CTPS1: variants seen among roughly 807,000 people sequenced by gnomAD.
CTPS1 encodes CTP synthetase 1.
A neutral mutation model predicts 80.5 loss-of-function variants in CTPS1; 25 were observed. That is an observed-to-expected ratio of 0.31 (90% CI 0.23 to 0.43). The LOEUF (loss-of-function observed/expected upper bound fraction) is 0.43. Among genes scored for constraint, CTPS1 ranks in the 20% least tolerant of loss-of-function variants. The pLI, the probability that CTPS1 is intolerant of heterozygous loss-of-function variation, is 1.00. For missense variants in CTPS1, 442 were observed against 725.7 expected (o/e 0.61, Z 4.49); for synonymous variants, 267 against 252.5 (o/e 1.06, Z -0.54).
rs1279094409 is a variant in CTPS1 at position 41,001,025 on chromosome 1, C to T, written c.1006-4C>T. The T allele has an allele frequency of 2.5e-6, 4 of 1,605,218 alleles. No homozygotes were observed. Among genetic ancestry groups the T allele is most frequent in the Non-Finnish European group, 1.7e-6 (2 of 1,176,902 alleles). On this transcript the variant is annotated splice_polypyrimidine_tract_variant and splice_region_variant and intron_variant, in intron 9 of 18. Coordinates refer to ENST00000650070, the MANE Select transcript of CTPS1 (RefSeq NM_001905.4). The stretch of plus-strand genomic sequence containing the variant: ...CTTTTCTCCCCTGTCTGAATAACAT[C>T]CAGTACATAGATTCTGCGGACTTGG...
rs763824497 is a variant in CTPS1, at chr1:41,008,644, CGTTT to C, written c.1394-10_1394-7del. On this transcript the variant is annotated splice_polypyrimidine_tract_variant and intron_variant, in intron 14 of 18. Coordinates refer to ENST00000650070, the MANE Select transcript of CTPS1 (RefSeq NM_001905.4). ...GAGATAAAGTTCTTTACATACAGCCCGTTTGTTTTGCCAGGGAAACTCTATGGAG... is the reference window on the plus strand; with the variant it reads ...GAGATAAAGTTCTTTACATACAGCCCGTTTTGCCAGGGAAACTCTATGGAG... The C allele has an allele frequency of 6.2e-7, 1 of 1,613,834 alleles. No homozygotes were observed. The highest frequency in any genetic ancestry group is 1.1e-5 in the South Asian group (1 of 91,074).
At chr1:41,009,331 C>A in intron 16 of CTPS1, 114 bp from the exon 17 acceptor site, 3 of 1,105,700 alleles carry the variant, frequency 2.7e-6, no homozygotes, top group South Asian at 1.7e-5. Context: ...ATGAGAAAGT[C>A]ATTTTCAAAT....
chr1:40,992,011 A>C (rs1219174054), intron 7 of CTPS1, among the ~76,000 whole-genome samples, 166 bp downstream of exon 7: 1 of 152,128 alleles, frequency 6.6e-6, no homozygotes. Context: ...TTCCCCAAAC[A>C]ACACCTGTGT....
chr1:40,984,110 G>C (rs1402314215), intron 2 of CTPS1, among the ~76,000 whole-genome samples: 1 of 152,150 alleles, frequency 6.6e-6, no homozygotes, highest in Non-Finnish European at 1.5e-5. Context: ...AGAAATCCTC[G>C]TAACAAATGG....
intron 6 of CTPS1, 27 bp downstream of exon 6, chr1:40,991,275 G>A (rs749108890): frequency 3.3e-6 from 5 of 1,526,240 alleles, no homozygotes; most frequent in Non-Finnish European, 4.4e-6. Flanking sequence ...GCTGGTTGCA[G>A]TGTAATCTTT....
At chr1:41,003,532 A>G (rs540845082) in intron 12 of CTPS1, among the ~76,000 whole-genome samples, 3 of 152,314 alleles carry the variant, frequency 2.0e-5, no homozygotes, top group African/African-American at 7.2e-5. Flanking sequence ...CTCTGGAGCT[A>G]TTGAAACTGG....
rs559205935 is a variant in CTPS1, at chr1:41,007,822, C to T, written c.1393+277C>T. Among the ~76,000 whole-genome samples the T allele has an allele frequency of 2.0e-5, 3 of 152,160 alleles. No homozygotes were observed. Among genetic ancestry groups the T allele is most frequent in the Admixed American group, 1.3e-4 (2 of 15,284 alleles). On this transcript the variant is annotated intron_variant, in intron 14 of 18. Coordinates refer to ENST00000650070, the MANE Select transcript of CTPS1 (RefSeq NM_001905.4). This position sits in a 1 kb window ranked among gnomAD's most constrained non-coding sequence, Gnocchi z 4.4. The stretch of plus-strand genomic sequence containing the variant: ...GCAGTGAGGTTACATTCATCCTTAT[C>T]GGTTACTTTCCTATTAAGACCAGCC...
At chr1:40,985,402 A>G (rs1406878996) in intron 3 of CTPS1, among the ~76,000 whole-genome samples, 1 of 152,246 alleles carries the variant, frequency 6.6e-6, no homozygotes, top group Non-Finnish European at 1.5e-5. Context: ...TCTATTGTGT[A>G]TACTGGTTTC....
At chr1:40,997,285 A>G (rs926400369) in intron 8 of CTPS1, 109 bp from the exon 9 acceptor site, 1 of 1,311,890 alleles carries the variant, frequency 7.6e-7, no homozygotes, top group Non-Finnish European at 1.1e-6. Context: ...TATGGGCGTG[A>G]GCTCATCCTG....
chr1:40,984,060 G>A (rs1173607394), intron 2 of CTPS1, among the ~76,000 whole-genome samples: 7 of 152,154 alleles, frequency 4.6e-5, no homozygotes, highest in African/African-American at 1.4e-4. Context: ...ACTCTCTAGC[G>A]TTGAGGTGAA....
Position 41,007,426 on chromosome 1 carries a change from GTC to G in CTPS1, c.1297-21_1297-20del, listed in dbSNP as rs1367353665. On this transcript the variant is annotated intron_variant, in intron 13 of 18. Coordinates refer to ENST00000650070, the MANE Select transcript of CTPS1 (RefSeq NM_001905.4). The surrounding 1 kb of genome is among the most constrained non-coding windows in gnomAD (Gnocchi z 4.4). ...GCGGAAGCAGAGTTCTGTAGTTGGT[GTC>G]TGTTTTCTGAACATCTCCAGGTCGT... 1 of 1,609,702 alleles carries G rather than the reference GTC, an allele frequency of 6.2e-7. No homozygotes were observed. The highest frequency in any genetic ancestry group is 8.5e-7 in the Non-Finnish European group (1 of 1,176,528).
chr1:41,009,635 C>T (rs1558172985), intron 17 of CTPS1, 46 bp downstream of exon 17: 2 of 1,606,418 alleles, frequency 1.2e-6, no homozygotes, highest in East Asian at 2.2e-5. Flanking sequence ...TTCTCTAGTC[C>T]TTTAGGTGGT....
intron 1 of CTPS1, among the ~76,000 whole-genome samples, chr1:40,982,519 A>T (rs2148384279): frequency 6.6e-6 from 1 of 152,114 alleles, no homozygotes; most frequent in South Asian, 2.1e-4. Flanking sequence ...TCTCCTGAGT[A>T]ACTGGGACTA....
chr1:40,982,430 C>T (rs939032630), intron 1 of CTPS1, among the ~76,000 whole-genome samples: 11 of 151,446 alleles, frequency 7.3e-5, no homozygotes, highest in African/African-American at 9.7e-5. Context: ...TATTCTGTCG[C>T]GCACGCTGGA....
At chr1:40,991,978 C>T (rs950097191) in intron 7 of CTPS1, 133 bp downstream of exon 7, 2 of 683,472 alleles carry the variant, frequency 2.9e-6, no homozygotes, top group Non-Finnish European at 5.1e-6. Flanking sequence ...CCATTGCCAT[C>T]GGCCATTCCC....
Position 40,987,276 on chromosome 1 carries a change from CAA to C in CTPS1, c.338-94_338-93del, listed in dbSNP as rs1642480214. 4 of 872,658 alleles carry C rather than the reference CAA, an allele frequency of 4.6e-6. No homozygotes were observed. The African/African-American group carries it at 4.9e-5, about 11-fold the overall frequency. The allele number at this position is 872,658 out of a possible 1,614,324, so 54.1% of individuals were successfully genotyped here. On this transcript the variant is annotated intron_variant, in intron 3 of 18. Coordinates refer to ENST00000650070, the MANE Select transcript of CTPS1 (RefSeq NM_001905.4). ...TGACCCTATTGCTACTCTCTCCAGG[CAA>C]AGAGTGCTGCAGTTTGTTTTCACAG...
At chr1:40,983,526 A>G in intron 2 of CTPS1, 70 bp downstream of exon 2, 1 of 1,315,710 alleles carries the variant, frequency 7.6e-7, no homozygotes, top group Non-Finnish European at 1.1e-6. Flanking sequence ...AATTATGTGC[A>G]CGGTTTGCAT....
chr1:40,983,056 GT>G (rs1642360193), intron 1 of CTPS1: 1 of 402,740 alleles, frequency 2.5e-6, no homozygotes, highest in African/African-American at 2.0e-5. Context: ...TAGAGTAGCA[GT>G]TGTTTTTCTA....
intron 3 of CTPS1, among the ~76,000 whole-genome samples, chr1:40,986,320 C>T (rs1319270585): frequency 3.9e-5 from 6 of 152,116 alleles, no homozygotes; most frequent in Non-Finnish European, 5.9e-5. Flanking sequence ...CGCAGGGCTA[C>T]GAAGGCGTGG....
Sources: allele counts gnomAD v4.1 joint callset (sites outside exome capture counted in the v4.1 genomes callset), GRCh38; gene constraint gnomAD v4.1.1; non-coding constraint Gnocchi (gnomAD v3.1); transcripts MANE v1.5; gene names NCBI Gene and HGNC (gene_info 2026-07-23, HGNC 2026-07-21).